Variants in TBL1X observed in about 807,000 individuals in gnomAD.
TBL1X encodes transducin beta like 1 X-linked.
In TBL1X, 10 loss-of-function variants were observed where a neutral mutation model predicts 50.7. The observed-to-expected ratio is 0.20, with a 90% CI of 0.12 to 0.33. TBL1X has a LOEUF of 0.33. Ranked by LOEUF, TBL1X falls within the 10% of genes least tolerant of loss-of-function variation. The pLI, the probability that TBL1X is intolerant of heterozygous loss-of-function variation, is 1.00. For synonymous variants in TBL1X, 190 were observed against 214.7 expected, an observed-to-expected ratio of 0.88 and a Z score of 1.01; for missense variants, 340 against 504.4, an observed-to-expected ratio of 0.67 and a Z score of 3.12.
chrX:9,537,862 A>T (rs998459282), intron 2 of TBL1X, among the ~76,000 whole-genome samples: 2 of 112,301 alleles, frequency 1.8e-5, no homozygotes, highest in African/African-American at 6.5e-5. Flanking sequence ...TAGGCCTGAT[A>T]GCCCTGAGGA....
intron 2 of TBL1X, among the ~76,000 whole-genome samples, chrX:9,530,246 TAG>T (rs2082153562): frequency 8.9e-6 from 1 of 112,151 alleles, no homozygotes; most frequent in African/African-American, 3.2e-5. Flanking sequence ...TTGCTTTTGT[TAG>T]AGTCAGTAGC....
intron 2 of TBL1X, among the ~76,000 whole-genome samples, chrX:9,519,941 A>G (rs1472749241): frequency 2.7e-5 from 3 of 112,765 alleles, no homozygotes; most frequent in Non-Finnish European, 5.6e-5. Flanking sequence ...GACAAGATCT[A>G]AAAATAACTT....
intron 2 of TBL1X, among the ~76,000 whole-genome samples, chrX:9,503,304 G>A (rs1468220485): frequency 1.8e-5 from 2 of 112,886 alleles, no homozygotes; most frequent in East Asian, 2.8e-4. Flanking sequence ...TGAAACCCAC[G>A]GATTGGAAGA....
At chrX:9,610,987 C>A (rs908419658) in intron 2 of TBL1X, among the ~76,000 whole-genome samples, 2 of 111,934 alleles carry the variant, frequency 1.8e-5, no homozygotes, top group East Asian at 5.6e-4. Context: ...ATAGACTGAG[C>A]AAATCCTCGG....
chrX:9,670,722 G>C (rs2082955941), intron 5 of TBL1X, among the ~76,000 whole-genome samples: 1 of 112,577 alleles, frequency 8.9e-6, no homozygotes, highest in South Asian at 3.6e-4. Flanking sequence ...CGTTTCCATG[G>C]ATTCAGGAAA....
intron 5 of TBL1X, among the ~76,000 whole-genome samples, chrX:9,674,121 CAAT>C (rs1237823876): frequency 8.9e-6 from 1 of 112,148 alleles, no homozygotes; most frequent in Admixed American, 9.4e-5. Context: ...ACAAAAATAA[CAAT>C]ACAACAATTA....
At chrX:9,654,757 G>A (rs1239909749) in intron 5 of TBL1X, among the ~76,000 whole-genome samples, 1 of 110,853 alleles carries the variant, frequency 9.0e-6, no homozygotes, top group Non-Finnish European at 1.9e-5. Context: ...AGGAATCGTC[G>A]TAGCATCTTC....
At chrX:9,608,744 T>A (rs886263712) in intron 2 of TBL1X, among the ~76,000 whole-genome samples, 1 of 112,236 alleles carries the variant, frequency 8.9e-6, no homozygotes, top group Non-Finnish European at 1.9e-5. Context: ...CAATTACTTT[T>A]CGTAAATGCA....
intron 2 of TBL1X, among the ~76,000 whole-genome samples, chrX:9,609,874 C>T (rs2082604956): frequency 1.8e-5 from 2 of 112,409 alleles, no homozygotes; most frequent in Admixed American, 9.4e-5. Context: ...ATTTCTTTTT[C>T]CATGTATTAG....
chrX:9,574,782 C>T (rs1235394111), intron 2 of TBL1X, among the ~76,000 whole-genome samples: 1 of 111,832 alleles, frequency 8.9e-6, no homozygotes, highest in Non-Finnish European at 1.9e-5. Context: ...ATAAAGAAGT[C>T]ATTGAGCATC....
intron 2 of TBL1X, among the ~76,000 whole-genome samples, chrX:9,632,292 GT>G (rs918884482): frequency 9.0e-6 from 1 of 111,118 alleles, no homozygotes; most frequent in African/African-American, 3.3e-5. Flanking sequence ...GGTTTTTGTG[GT>G]TTTTTTGAGA....
At chrX:9,683,513 G>A (rs924731057) in intron 5 of TBL1X, among the ~76,000 whole-genome samples, 3 of 111,594 alleles carry the variant, frequency 2.7e-5, no homozygotes, top group Non-Finnish European at 1.9e-5. Flanking sequence ...CCTCTTCTCC[G>A]TCTTCAGTTG....
intron 2 of TBL1X, among the ~76,000 whole-genome samples, chrX:9,559,581 A>G (rs902619366): frequency 8.9e-6 from 1 of 112,257 alleles, no homozygotes; most frequent in Non-Finnish European, 1.9e-5. Context: ...CAATTTAGAA[A>G]AAGAAAGATT....
intron 2 of TBL1X, among the ~76,000 whole-genome samples, chrX:9,536,882 G>C (rs747237229): frequency 8.9e-6 from 1 of 111,810 alleles, no homozygotes; most frequent in Non-Finnish European, 1.9e-5. Flanking sequence ...CAAGGCAGTG[G>C]CTTTAATCCC....
At chrX:9,600,439 G>T (rs1211336300) in intron 2 of TBL1X, among the ~76,000 whole-genome samples, 1 of 71,894 alleles carries the variant, frequency 1.4e-5, no homozygotes, top group Non-Finnish European at 2.4e-5. Context: ...TCATATTGTA[G>T]GTTAGGTTTC....
chrX:9,703,593 AG>A (rs2083188790), intron 12 of TBL1X, among the ~76,000 whole-genome samples: 1 of 111,768 alleles, frequency 8.9e-6, no homozygotes, highest in African/African-American at 3.3e-5. Context: ...TCTCTGCTAG[AG>A]GACAGGAGTG....
At chrX:9,506,974 A>G (rs2082029181) in intron 2 of TBL1X, among the ~76,000 whole-genome samples, 1 of 112,095 alleles carries the variant, frequency 8.9e-6, no homozygotes, top group Admixed American at 9.5e-5. Context: ...GAAGAGACAC[A>G]GCCAATATCA....
At chrX:9,638,684 G>A (rs1267156916) in intron 2 of TBL1X, among the ~76,000 whole-genome samples, 2 of 112,289 alleles carry the variant, frequency 1.8e-5, no homozygotes, top group Admixed American at 1.9e-4. Context: ...AATAAGAGCT[G>A]TTTGTATATT....
intron 1 of TBL1X, among the ~76,000 whole-genome samples, chrX:9,491,463 C>T (rs1287205335): frequency 9.5e-6 from 1 of 105,180 alleles, no homozygotes; most frequent in South Asian, 4.5e-4. Flanking sequence ...GCCTCAGCCA[C>T]CCGAGTAGCT....
Sources: allele counts gnomAD v4.1 joint callset (sites outside exome capture counted in the v4.1 genomes callset), GRCh38; gene constraint gnomAD v4.1.1; transcripts MANE v1.5; gene names NCBI Gene and HGNC (gene_info 2026-07-23, HGNC 2026-07-21).